HJV: variants seen among roughly 807,000 people sequenced by gnomAD.
HJV encodes hemojuvelin.
HJV carries 18 observed loss-of-function variants against 22.7 expected under a neutral mutation model. The ratio of observed to expected loss-of-function variants is 0.79; its 90% CI spans 0.55 to 1.18. The LOEUF is 1.18. Among genes scored for constraint, HJV ranks in the 50% most tolerant of loss-of-function variants. HJV has a pLI of 0.00. For synonymous variants in HJV, 229 were observed against 222.7 expected, an observed-to-expected ratio of 1.03 and a Z score of -0.25; for missense variants, 572 against 553.0, an observed-to-expected ratio of 1.03 and a Z score of -0.34.
chr1:146,018,331 CA>C lies in HJV; in HGVS notation c.1026del (p.Ala343ProfsTer24), dbSNP rs1553769419. 1.2e-6 allele frequency: 2 copies of C among 1,614,188 alleles called. No individual in the cohort carries two copies. The highest frequency in any genetic ancestry group is 2.2e-5 in the South Asian group (2 of 91,084). ...RNRRGAITID[T>X]ARRLCKEGLP... Reference sequence around the variant, plus strand: ...AGCCCTTCCTTGCACAGCCGTCTGGCAGTATCAATGGTTATAGCTCCCCGAC... The same window carrying C: ...AGCCCTTCCTTGCACAGCCGTCTGGCGTATCAATGGTTATAGCTCCCCGAC... On this transcript the variant is annotated frameshift_variant, in exon 4 of 4. Transcript: ENST00000336751. LOFTEE classifies it high-confidence loss of function.
In HJV at chr1:146,019,357, C is replaced by T. The variant is rs782644173; in HGVS notation, c.475G>A (p.Gly159Ser). Residue 159 changes from glycine (G) to serine (S), a missense_variant, in exon 3 of 4, where the codon GGT becomes AGT. Gly to Ser is a moderately conservative substitution (Grantham distance 56). Coordinates refer to ENST00000336751, the MANE Select transcript of HJV (RefSeq NM_213653.4). ...CAATGCAAGAACCCCGGGGGACGACCATGCAGCCGGGAAAACCGGCCTTCA... is the reference window on the plus strand; with the variant it reads ...CAATGCAAGAACCCCGGGGGACGACTATGCAGCCGGGAAAACCGGCCTTCA... ...DYEGRFSRLHGRPPGFLHCAS... is the reference protein window; with the variant it reads ...DYEGRFSRLHSRPPGFLHCAS... 4 of 1,613,692 alleles carry T rather than the reference C, an allele frequency of 2.5e-6. No homozygotes were observed. The highest frequency in any genetic ancestry group is 3.3e-5 in the Admixed American group (2 of 60,012).
chr1:146,021,487 A>G (rs1302926349), intron 1 of HJV, 100 bp downstream of exon 1: 1 of 152,726 alleles, frequency 6.5e-6, no homozygotes, highest in Non-Finnish European at 1.5e-5. Flanking sequence ...AGATCCCAGC[A>G]TTTGGACGAG....
chr1:146,019,204 A>G lies in HJV; in HGVS notation c.628T>C (p.Leu210=), dbSNP rs1553769618. ...CGGGTGGCGGTAGCGTTGGCCCCCA[A>G]CGCCATGGGGGAGCTGGTGGCTTGG... ...FVQATSSPMA[L]GANATATRKL... The change falls in exon 3 of 4, where the codon TTG becomes CTG. Residue 210 remains leucine, a synonymous_variant. Coordinates refer to ENST00000336751, the MANE Select transcript of HJV (RefSeq NM_213653.4). 2 of 1,614,128 alleles carry G rather than the reference A, an allele frequency of 1.2e-6. No homozygotes were observed. The highest frequency in any genetic ancestry group is 2.7e-5 in the African/African-American group (2 of 75,058).
At position 146,020,139 on chromosome 1, in the gene HJV, T is replaced by C. The variant is rs781897938; in HGVS notation, c.93A>G (p.Gly31=). The C allele has an allele frequency of 2.5e-6, 4 of 1,604,430 alleles. No individual in the cohort carries two copies. In the East Asian group the frequency reaches 8.9e-5, roughly 36 times the overall value. ...STLTLLLLLC[G]HAHSQCKILR... ...CCTTCCCTGGCCCTTCCTTACCATG[T>C]CCACAGAGGAGCAGCAGGAGAGTGA... The change falls in exon 2 of 4, where the codon GGA becomes GGG. Residue 31 remains glycine (G), a synonymous_variant. Coordinates refer to ENST00000336751, the MANE Select transcript of HJV (RefSeq NM_213653.4).
At chr1:146,021,529 A>G (rs1019449897) in intron 1 of HJV, 58 bp downstream of exon 1, 1 of 152,618 alleles carries the variant, frequency 6.6e-6, no homozygotes, top group African/African-American at 2.4e-5. Context: ...TAATTTTATA[A>G]AAGTCTAACT....
chr1:146,019,152 G>C, intron 3 of HJV, 23 bp downstream of exon 3: 1 of 1,576,768 alleles, frequency 6.3e-7, no homozygotes, highest in Non-Finnish European at 8.7e-7. Context: ...GAGGTGGATC[G>C]GAAGGAAGAT....
Position 146,018,473 on chromosome 1 carries a change from G to A in HJV, c.885C>T (p.Ser295=), listed in dbSNP as rs200721681. 136 of 1,614,212 alleles carry A rather than the reference G, an allele frequency of 8.4e-5. No individual in the cohort carries two copies. The Admixed American group carries it at 2.2e-3, about 27-fold the overall frequency. ...IIIRQTAGQL[S]FSIKVAEDVA... ...CATCCTCTGCTACCTTGATGGAGAA[G>A]GAGAGCTGCCCAGCTGTCTGCCGAA... The change falls in exon 4 of 4, where the codon TCC becomes TCT. Residue 295 remains serine, a synonymous_variant. Coordinates refer to ENST00000336751, the MANE Select transcript of HJV (RefSeq NM_213653.4).
At chr1:146,020,008 G>T in intron 2 of HJV, 127 bp downstream of exon 2, 1 of 837,054 alleles carries the variant, frequency 1.2e-6, no homozygotes, top group Non-Finnish European at 2.0e-6. Context: ...ATTAGTATTT[G>T]AGAGCAGGGC....
chr1:146,018,715 G>C lies in HJV; in HGVS notation c.658-15C>G. On this transcript the variant is annotated splice_polypyrimidine_tract_variant and intron_variant, in intron 3 of 3. Transcript: ENST00000336751. The stretch of plus-strand genomic sequence containing the variant: ...ATGATGGTGAGCTGTGAGGACAAGA[G>C]GGAAAACAGTTCATTTTGGGTTCAG... 1.2e-6 allele frequency: 2 copies of C among 1,613,984 alleles called. No individual in the cohort carries two copies. Among genetic ancestry groups the C allele is most frequent in the Middle Eastern group, 1.6e-4 (1 of 6,062 alleles).
chr1:146,020,019 G>A (rs1264527509), intron 2 of HJV, 116 bp downstream of exon 2: 3 of 853,588 alleles, frequency 3.5e-6, no homozygotes, highest in Non-Finnish European at 6.0e-6. Context: ...AGAGCAGGGC[G>A]AGTGATCGGG....
In HJV at chr1:146,021,643, C is replaced by T. The variant is rs952516502; in HGVS notation, c.-146G>A. The T allele has an allele frequency of 6.6e-6, 1 of 152,646 alleles. No homozygotes were observed. Among genetic ancestry groups the T allele is most frequent in the Admixed American group, 6.5e-5 (1 of 15,282 alleles). 9.5% of individuals were successfully genotyped at this position (152,646 alleles called of 1,614,324 possible). ...CCAATTCTCCAGCCATGATTCCCTA[C>T]TCTGTGGGTCAGCTCCAGCCAGGGG... On this transcript the variant is annotated 5_prime_UTR_variant, in exon 1 of 4. Coordinates refer to ENST00000336751, the MANE Select transcript of HJV (RefSeq NM_213653.4).
chr1:146,018,357 C>A lies in HJV; in HGVS notation c.1001G>T (p.Arg334Leu). The A allele has an allele frequency of 6.2e-7, 1 of 1,614,216 alleles. No homozygotes were observed. The highest frequency in any genetic ancestry group is 8.5e-7 in the Non-Finnish European group (1 of 1,180,044). The change falls in exon 4 of 4, where the codon CGT (arginine) becomes CTT (leucine). Residue 334 changes from arginine to leucine, a missense_variant. Coordinates refer to ENST00000336751, the MANE Select transcript of HJV (RefSeq NM_213653.4). Reference protein sequence around the residue: ...SQRLSRSERNRRGAITIDTAR... With the variant: ...SQRLSRSERNLRGAITIDTAR... ...AGTATCAATGGTTATAGCTCCCCGACGATTGCGCTCTGATCGAGAGAGTCG... is the reference window on the plus strand; with the variant it reads ...AGTATCAATGGTTATAGCTCCCCGAAGATTGCGCTCTGATCGAGAGAGTCG...
chr1:146,019,129 G>T, intron 3 of HJV, 46 bp downstream of exon 3: 1 of 1,478,206 alleles, frequency 6.8e-7, no homozygotes, highest in Non-Finnish European at 9.5e-7. Flanking sequence ...TGGTGCCCGT[G>T]GAAGAATCTC....
In HJV at chr1:146,017,947, C is replaced by G. The variant is rs1453300949; in HGVS notation, c.*130G>C. 1 of 1,048,656 alleles carries G rather than the reference C, an allele frequency of 9.5e-7. No individual in the cohort carries two copies. The highest frequency in any genetic ancestry group is 1.6e-5 in the African/African-American group (1 of 63,174). The allele number at this position is 1,048,656 out of a possible 1,614,324, so 65.0% of individuals were successfully genotyped here. On this transcript the variant is annotated 3_prime_UTR_variant, in exon 4 of 4. Coordinates refer to ENST00000336751, the MANE Select transcript of HJV (RefSeq NM_213653.4). ...TTTCAACCCTGGACTGCAGCCTCATCTGACTCTGGATAATGTCATTGTTTC... is the reference window on the plus strand; with the variant it reads ...TTTCAACCCTGGACTGCAGCCTCATGTGACTCTGGATAATGTCATTGTTTC...
intron 3 of HJV, 96 bp from the exon 4 acceptor site, chr1:146,018,796 G>T: frequency 7.9e-7 from 1 of 1,268,064 alleles, no homozygotes; most frequent in Non-Finnish European, 1.1e-6. Context: ...TCCAAGTAGA[G>T]ATGCAGGACT....
intron 1 of HJV, 111 bp from the exon 2 acceptor site, chr1:146,020,431 T>TG (rs1652656739): frequency 1.8e-6 from 1 of 552,560 alleles, no homozygotes. Context: ...GACTGGAATT[T>TG]GGGGAGATTG....
At position 146,018,636 on chromosome 1, in the gene HJV, T is replaced by C; in HGVS notation, c.722A>G (p.Asp241Gly). The part of the protein sequence containing the change: ...IDQKVYQAEV[D>G]NLPVAFEDGS... ...ATCTTCAAAGGCTACAGGAAGATTA[T>C]CCACCTCAGCCTGATACACCTTCTG... Residue 241 changes from aspartate (D) to glycine (G), a missense_variant, in exon 4 of 4, where the codon GAT (aspartate) becomes GGT (glycine). By Grantham distance (94) the Asp-to-Gly change is moderately conservative. Coordinates refer to ENST00000336751, the MANE Select transcript of HJV (RefSeq NM_213653.4). 1 of 1,614,128 alleles carries C rather than the reference T, an allele frequency of 6.2e-7. No individual in the cohort carries two copies. The highest frequency in any genetic ancestry group is 8.5e-7 in the Non-Finnish European group (1 of 1,179,930).
chr1:146,019,869 G>A, intron 2 of HJV, 135 bp from the exon 3 acceptor site: 1 of 1,373,526 alleles, frequency 7.3e-7, no homozygotes, highest in Non-Finnish European at 1.0e-6. Flanking sequence ...GCCTTCCCCA[G>A]CCCCCAACCC....
intron 2 of HJV, 34 bp downstream of exon 2, chr1:146,020,101 G>C (rs1553769879): frequency 6.8e-7 from 1 of 1,462,206 alleles, no homozygotes; most frequent in African/African-American, 1.4e-5. Context: ...CTACCCTCTA[G>C]ATTTCCCCAA....
Sources: allele counts gnomAD v4.1 joint callset, GRCh38; gene constraint gnomAD v4.1.1; transcripts MANE v1.5; gene names NCBI Gene and HGNC (gene_info 2026-07-23, HGNC 2026-07-21).